Variants in TENM3 observed in about 807,000 individuals in gnomAD.
The protein encoded by TENM3 is teneurin-3.
TENM3 carries 63 observed loss-of-function variants against 255.1 expected under a neutral mutation model. The observed-to-expected ratio is 0.25, with a 90% CI of 0.20 to 0.30. The LOEUF (loss-of-function observed/expected upper bound fraction) is 0.30. TENM3 is among the 10% of genes least tolerant of loss of function. The pLI is 1.00. For missense variants in TENM3, 2,929 were observed against 3,461.1 expected (o/e 0.85, Z 3.86); for synonymous variants, 1,306 against 1,322.3 (o/e 0.99, Z 0.27).
intron 2 of TENM3, among the ~76,000 whole-genome samples, chr4:182,334,113 C>G (rs2150569663): frequency 6.6e-6 from 1 of 152,164 alleles, no homozygotes; most frequent in Non-Finnish European, 1.5e-5. Context: ...TATATGTAAA[C>G]TGTTTAGAAT....
chr4:181,738,165 A>G, the TENM3 span, among the ~76,000 whole-genome samples: 7 of 152,188 alleles, frequency 4.6e-5, no homozygotes, highest in Non-Finnish European at 8.8e-5. Flanking sequence ...TGCACGAGCT[A>G]TATACCTGTA....
intron 5 of TENM3, among the ~76,000 whole-genome samples, chr4:182,644,703 A>T (rs1752589733): frequency 6.6e-6 from 1 of 152,200 alleles, no homozygotes. Flanking sequence ...TTTCTTAATT[A>T]TTGGAAAAAT....
At chr4:181,974,174 A>G in the TENM3 span, among the ~76,000 whole-genome samples, 3 of 152,138 alleles carry the variant, frequency 2.0e-5, no homozygotes, top group Non-Finnish European at 4.4e-5. Flanking sequence ...GCTGGGTAGG[A>G]GCATAATCTT....
At chr4:182,364,758 A>AT (rs936331736) in intron 3 of TENM3, among the ~76,000 whole-genome samples, 4 of 152,038 alleles carry the variant, frequency 2.6e-5, no homozygotes, top group African/African-American at 7.2e-5. Context: ...ATGCTATTGG[A>AT]TTTTTTTCTA....
rs953203585 is a variant in TENM3, at chr4:182,626,635, C to T, written c.750-2016C>T. ...GAACTCAGACAGTGTTGTTTCAGAG[C>T]GCTTAATAACCAGGCTGAATATGGT... On this transcript the variant is annotated intron_variant, in intron 4 of 27. Coordinates refer to ENST00000511685, the MANE Select transcript of TENM3 (RefSeq NM_001080477.4). Among the ~76,000 whole-genome samples, 6 of 152,262 alleles carry T rather than the reference C, an allele frequency of 3.9e-5. No homozygotes were observed. In the East Asian group the frequency reaches 7.7e-4, roughly 20 times the overall value.
intron 26 of TENM3, among the ~76,000 whole-genome samples, chr4:182,795,674 A>G (rs1442766870): frequency 6.6e-6 from 1 of 152,238 alleles, no homozygotes; most frequent in Non-Finnish European, 1.5e-5. Flanking sequence ...GGGTGTTGAC[A>G]GGGGCTGACT....
chr4:182,322,967 G>A (rs768234450), intron 1 of TENM3, among the ~76,000 whole-genome samples: 4 of 152,128 alleles, frequency 2.6e-5, no homozygotes, highest in Admixed American at 6.6e-5. Context: ...AGGAAAACAC[G>A]AAGGGCTGAA....
Position 182,303,391 on chromosome 4 carries a change from C to T in TENM3, c.-75-20555C>T, listed in dbSNP as rs115939417. On this transcript the variant is annotated intron_variant, in intron 1 of 27. Transcript: ENST00000511685. ...GATTCAGAATTTTACCAAAGTCCCA[C>T]TGAACCATATTATGACATAAGAGTC... 8.4e-4 allele frequency among the ~76,000 whole-genome samples: 128 copies of T among 152,304 alleles called. 1 individual carries two copies. Among genetic ancestry groups the T allele is most frequent in the African/African-American group, 2.7e-3 (114 of 41,576 alleles).
chr4:181,883,145 T>TTTTTTTTTTTTTTTTTTTTA, the TENM3 span, among the ~76,000 whole-genome samples: 1 of 150,810 alleles, frequency 6.6e-6, no homozygotes, highest in Non-Finnish European at 1.5e-5. Context: ...TTTTGCTTCT[T>TTTTTTTTTTTTTTTTTTTTA]AATAACTGGT....
chr4:182,075,460 A>T, the TENM3 span, among the ~76,000 whole-genome samples: 15 of 152,092 alleles, frequency 9.9e-5, no homozygotes. Context: ...GGCCTCCCAA[A>T]GTGCTGGGAT....
At chr4:182,167,164 A>T (rs1301179708) in intron 1 of TENM3, among the ~76,000 whole-genome samples, 2 of 152,208 alleles carry the variant, frequency 1.3e-5, no homozygotes, top group Non-Finnish European at 2.9e-5. Flanking sequence ...AAGCTAACTG[A>T]TTACAATGGC....
intron 3 of TENM3, among the ~76,000 whole-genome samples, chr4:182,397,115 A>G (rs1278068645): frequency 6.6e-6 from 1 of 152,054 alleles, no homozygotes; most frequent in Non-Finnish European, 1.5e-5. Context: ...TTAGGAACAG[A>G]AGAGTTAACT....
At chr4:182,103,724 A>G in the TENM3 span, among the ~76,000 whole-genome samples, 2 of 152,224 alleles carry the variant, frequency 1.3e-5, no homozygotes, top group Admixed American at 1.3e-4. Context: ...TTTACTGCTA[A>G]GGCTGTGTTT....
chr4:182,453,648 G>C (rs891986530), intron 3 of TENM3, among the ~76,000 whole-genome samples: 2 of 152,148 alleles, frequency 1.3e-5, no homozygotes, highest in African/African-American at 2.4e-5. Flanking sequence ...GGAAGTTTCA[G>C]TGAGTTGTTT....
chr4:182,794,750 G>A (rs1766366265), intron 26 of TENM3, among the ~76,000 whole-genome samples: 1 of 152,202 alleles, frequency 6.6e-6, no homozygotes, highest in South Asian at 2.1e-4. Context: ...CTGCCACCAT[G>A]GAACAACCAG....
At chr4:181,512,512 G>T in the TENM3 span, among the ~76,000 whole-genome samples, 1 of 152,236 alleles carries the variant, frequency 6.6e-6, no homozygotes. Context: ...ATGCTGTCTG[G>T]TAGCTCAGCT....
chr4:181,636,077 G>A, the TENM3 span, among the ~76,000 whole-genome samples: 4 of 151,964 alleles, frequency 2.6e-5, no homozygotes, highest in Admixed American at 6.6e-5. Flanking sequence ...AGACAGTTTC[G>A]CTCTGTCATT....
intron 3 of TENM3, among the ~76,000 whole-genome samples, chr4:182,361,093 T>C (rs1765942436): frequency 6.6e-6 from 1 of 152,216 alleles, no homozygotes; most frequent in African/African-American, 2.4e-5. Flanking sequence ...AGAGATCCGC[T>C]GTTAGTCTGA....
intron 3 of TENM3, among the ~76,000 whole-genome samples, chr4:182,531,033 G>A (rs1326720492): frequency 2.0e-5 from 3 of 152,180 alleles, no homozygotes; most frequent in Non-Finnish European, 4.4e-5. Context: ...TCTGGAGAGA[G>A]TGTAGATGGA....
Sources: gnomAD v4.1 joint callset for allele counts (sites outside exome capture counted in the v4.1 genomes callset) on GRCh38, gnomAD v4.1.1 for gene constraint, MANE v1.5 for transcripts, NCBI Gene and HGNC (gene_info 2026-07-23, HGNC 2026-07-21) for gene names.